POU2F1: variants seen among roughly 807,000 people sequenced by gnomAD.
POU2F1 encodes the protein POU domain, class 2, transcription factor 1.
Under a neutral mutation model 84.9 loss-of-function variants are expected in POU2F1, and 16 were observed. That is an observed-to-expected ratio of 0.19 (90% CI 0.13 to 0.29). The LOEUF is 0.29. Among genes scored for constraint, POU2F1 ranks in the 10% least tolerant of loss-of-function variants. The pLI, the probability that POU2F1 is intolerant of heterozygous loss-of-function variation, is 1.00. For missense variants in POU2F1, 738 were observed against 942.6 expected (o/e 0.78, Z 2.84); for synonymous variants, 368 against 368.3 (o/e 1.00, Z 0.01).
At chr1:167,356,804 T>C (rs999931494) in intron 2 of POU2F1, among the ~76,000 whole-genome samples, 1 of 152,248 alleles carries the variant, frequency 6.6e-6, no homozygotes, top group South Asian at 2.1e-4. Context: ...TGGGACTTTA[T>C]AGGCTGGCCC....
chr1:167,422,607 G>A lies in POU2F1; in HGVS notation c.*6797G>A, dbSNP rs1650711396. On this transcript the variant is annotated 3_prime_UTR_variant, in exon 16 of 16. Coordinates refer to ENST00000367866, the MANE Select transcript of POU2F1 (RefSeq NM_002697.4). ...TGAATGAGAAATGATGCTGGCTTAG[G>A]AAAAATCACAAGCCCTTTCTGCCCA... 6.6e-6 allele frequency: 1 copy of A among 152,128 alleles called. No individual in the cohort carries two copies. The highest frequency in any genetic ancestry group is 2.4e-5 in the African/African-American group (1 of 41,412). 9.4% of individuals were successfully genotyped at this position (152,128 alleles called of 1,614,324 possible). A position where few individuals can be genotyped will look rare whatever the true frequency, so the allele number is the denominator to read the frequency against.
At chr1:167,252,273 C>G (rs1327180449) in intron 1 of POU2F1, among the ~76,000 whole-genome samples, 8 of 152,048 alleles carry the variant, frequency 5.3e-5, no homozygotes, top group Non-Finnish European at 1.2e-4. Context: ...AACAGAATCC[C>G]TTTAAGACGC....
At chr1:167,223,346 T>C (rs1264931455) in intron 1 of POU2F1, among the ~76,000 whole-genome samples, 3 of 152,232 alleles carry the variant, frequency 2.0e-5, no homozygotes, top group Admixed American at 6.5e-5. Context: ...AGAGGCAGAT[T>C]AACTTTTACT....
rs533706809 is a variant in POU2F1, at chr1:167,415,065, C to T, written c.1991-435C>T. ...GAGGCAGGCCTCAGGCTGTAATGCC[C>T]ACCACTCACCTCCTGTTGTTAATGC... is the stretch of plus-strand genomic sequence containing the variant. On this transcript the variant is annotated intron_variant, in intron 15 of 15. Coordinates refer to ENST00000367866, the MANE Select transcript of POU2F1 (RefSeq NM_002697.4). Among the ~76,000 whole-genome samples, 27 of 152,296 alleles carry T rather than the reference C, an allele frequency of 1.8e-4. No individual in the cohort carries two copies. The South Asian group carries it at 2.3e-3, about 13-fold the overall frequency.
Position 167,276,510 on chromosome 1 carries a change from T to C in POU2F1, c.61+55552T>C, listed in dbSNP as rs567009760. 4.5e-4 allele frequency among the ~76,000 whole-genome samples: 69 copies of C among 152,268 alleles called. No homozygotes were observed. The Middle Eastern group carries it at 0.01, about 23-fold the overall frequency. The stretch of plus-strand genomic sequence containing the variant: ...GGTTCAATACTAGCCCCAGTTTCAG[T>C]TGGGGGTCTTGGAATGTGCCCCCCA... On this transcript the variant is annotated intron_variant, in intron 1 of 15. Coordinates refer to ENST00000367866, the MANE Select transcript of POU2F1 (RefSeq NM_002697.4).
intron 8 of POU2F1, among the ~76,000 whole-genome samples, chr1:167,388,240 T>C (rs1648128915): frequency 6.6e-6 from 1 of 152,208 alleles, no homozygotes; most frequent in African/African-American, 2.4e-5. Context: ...AATTTTGACA[T>C]TGAGTAGTAA....
rs1192591700 is a variant in POU2F1 at position 167,415,786 on chromosome 1, C to T, written c.2277C>T (p.Thr759=). 1.2e-6 allele frequency: 2 copies of T among 1,614,008 alleles called. No individual in the cohort carries two copies. The highest frequency in any genetic ancestry group is 3.3e-5 in the Admixed American group (2 of 60,016). ...VASASGAAST[T]TTASKAQ ...CTGCCAGCGGGGCTGCGTCCACCAC[C>T]ACCACCGCCTCCAAGGCACAGTGAG... The change falls in exon 16 of 16, where the codon ACC becomes ACT. Residue 759 remains threonine (T), a synonymous_variant. Coordinates refer to ENST00000367866, the MANE Select transcript of POU2F1 (RefSeq NM_002697.4).
At chr1:167,343,734 G>A (rs904545860) in intron 2 of POU2F1, among the ~76,000 whole-genome samples, 8 of 139,384 alleles carry the variant, frequency 5.7e-5, no homozygotes, top group African/African-American at 1.9e-4. Flanking sequence ...TATTTGCCTC[G>A]GGGCTGGGAG....
chr1:167,274,814 A>G (rs1652608581), intron 1 of POU2F1, among the ~76,000 whole-genome samples: 1 of 152,186 alleles, frequency 6.6e-6, no homozygotes, highest in South Asian at 2.1e-4. Flanking sequence ...GTTCTTGCGA[A>G]AATGCTTGTT....
chr1:167,397,665 C>T (rs1648903542), intron 10 of POU2F1, among the ~76,000 whole-genome samples: 1 of 152,176 alleles, frequency 6.6e-6, no homozygotes, highest in Non-Finnish European at 1.5e-5. Flanking sequence ...CCTGCCTCAG[C>T]CTCCCAAGTA....
chr1:167,395,659 C>T (rs373834266), intron 9 of POU2F1, among the ~76,000 whole-genome samples: 5 of 151,922 alleles, frequency 3.3e-5, no homozygotes, highest in African/African-American at 4.8e-5. Context: ...GACTGGAGTG[C>T]GGTGCCATGA....
intron 6 of POU2F1, 85 bp from the exon 7 acceptor site, chr1:167,375,944 A>G: frequency 6.8e-7 from 1 of 1,474,246 alleles, no homozygotes; most frequent in South Asian, 1.2e-5. Flanking sequence ...TTTGGATGTG[A>G]CAGAAGTCAT....
intron 1 of POU2F1, among the ~76,000 whole-genome samples, chr1:167,310,244 G>C (rs370062241): frequency 1.1e-4 from 16 of 151,894 alleles, no homozygotes; most frequent in African/African-American, 3.1e-4. Flanking sequence ...AGGAAAGGGG[G>C]GAAGGGAGAT....
intron 7 of POU2F1, among the ~76,000 whole-genome samples, chr1:167,381,744 G>A (rs1647576063): frequency 6.6e-6 from 1 of 150,918 alleles, no homozygotes. Flanking sequence ...CGAGTAGCTG[G>A]GATTATAGGT....
At chr1:167,399,043 A>G in intron 11 of POU2F1, 143 bp from the exon 12 acceptor site, 1 of 649,568 alleles carries the variant, frequency 1.5e-6, no homozygotes. Context: ...ACTTCTATCT[A>G]CACAATCTCT....
chr1:167,309,884 C>T (rs111859314), intron 1 of POU2F1, among the ~76,000 whole-genome samples: 6 of 152,182 alleles, frequency 3.9e-5, no homozygotes, highest in Middle Eastern at 3.4e-3. Flanking sequence ...GAATTGCTTT[C>T]GTTATATGAA....
intron 1 of POU2F1, among the ~76,000 whole-genome samples, chr1:167,283,823 T>A (rs550104481): frequency 6.6e-4 from 101 of 152,330 alleles, no homozygotes; most frequent in Admixed American, 3.3e-3. Context: ...CATTCCTTGC[T>A]GTTATTGCTA....
Position 167,412,156 on chromosome 1 carries a change from G to C in POU2F1, c.1753G>C (p.Val585Leu). ...GTCCTCCCCTCTTGGGACCAGCCAGGTGATGGTGACAGCATCAGGTTTGCA... is the reference window on the plus strand; with the variant it reads ...GTCCTCCCCTCTTGGGACCAGCCAGCTGATGGTGACAGCATCAGGTTTGCA... The part of the protein sequence containing the change: ...PLSSPLGTSQ[V>L]MVTASGLQTA... The change falls in exon 14 of 16, where the codon GTG (valine) becomes CTG (leucine). Residue 585 changes from valine (V) to leucine (L), a missense_variant. Val to Leu is a conservative substitution (Grantham distance 32, BLOSUM62 1). Around this residue, in one of 4 missense-constraint regions of POU2F1, gnomAD observed 319 missense variants for 386.0 expected, o/e 0.83. Coordinates refer to ENST00000367866, the MANE Select transcript of POU2F1 (RefSeq NM_002697.4). 3 of 1,614,152 alleles carry C rather than the reference G, an allele frequency of 1.9e-6. No homozygotes were observed. Among genetic ancestry groups the C allele is most frequent in the Non-Finnish European group, 2.5e-6 (3 of 1,180,010 alleles).
chr1:167,385,544 C>T (rs538637066), intron 8 of POU2F1, among the ~76,000 whole-genome samples: 273 of 151,742 alleles, frequency 1.8e-3, no homozygotes, highest in Non-Finnish European at 2.5e-3. Flanking sequence ...GCCAAAGGTG[C>T]CAAAGGATTT....
Sources: allele counts gnomAD v4.1 joint callset (sites outside exome capture counted in the v4.1 genomes callset), GRCh38; gene constraint gnomAD v4.1.1; regional missense constraint gnomAD v4.1.1; transcripts MANE v1.5; gene names NCBI Gene and HGNC (gene_info 2026-07-23, HGNC 2026-07-21).